The following CACNB4 variants were observed in gnomAD, a reference collection of about 807,000 sequenced individuals.
CACNB4 encodes the protein voltage-dependent L-type calcium channel subunit beta-4.
Under a neutral mutation model 71.2 loss-of-function variants are expected in CACNB4, and 32 were observed. That is an observed-to-expected ratio of 0.45 (90% CI 0.34 to 0.60). The LOEUF is 0.60. Ranked by LOEUF, CACNB4 falls within the 20% of genes least tolerant of loss-of-function variation. The pLI is 0.01. For synonymous variants in CACNB4, 231 were observed against 236.9 expected (o/e 0.97, Z 0.23); for missense variants, 464 against 647.9 (o/e 0.72, Z 3.08).
rs183095589 is a variant in CACNB4, at chr2:151,995,342, T to C, written c.147+102988A>G. Reference sequence around the variant, plus strand: ...GAAAACATCATGTGAATTTTTTGAGTGTAAGATTTATGGCTCACAGCCTTT... The same window carrying C: ...GAAAACATCATGTGAATTTTTTGAGCGTAAGATTTATGGCTCACAGCCTTT... On this transcript the variant is annotated intron_variant, in intron 2 of 13. Transcript: ENST00000539935. 1.6e-4 allele frequency among the ~76,000 whole-genome samples: 24 copies of C among 152,192 alleles called. No individual in the cohort carries two copies. In the South Asian group the frequency reaches 1.7e-3, roughly 11 times the overall value.
intron 8 of CACNB4, 177 bp from the exon 9 acceptor site, chr2:151,869,412 G>T: frequency 1.8e-6 from 1 of 547,684 alleles, no homozygotes. Flanking sequence ...ATGTGCAATT[G>T]CTAATTTCCA....
At chr2:152,026,902 A>G (rs1013987936) in intron 2 of CACNB4, among the ~76,000 whole-genome samples, 3 of 125,478 alleles carry the variant, frequency 2.4e-5, no homozygotes, top group African/African-American at 9.3e-5. Flanking sequence ...CATTTGACAC[A>G]ATTATCTTTC....
At chr2:151,858,806 T>TA (rs1459860884) in intron 10 of CACNB4, 1 of 152,224 alleles carries the variant, frequency 6.6e-6, no homozygotes, top group East Asian at 1.9e-4. Context: ...CATGTCAATG[T>TA]CTTTGTACAT....
intron 2 of CACNB4, among the ~76,000 whole-genome samples, chr2:152,072,035 G>A (rs1686723403): frequency 1.3e-5 from 2 of 152,250 alleles, no homozygotes. Context: ...GGGAATTGCA[G>A]TGATGAAATG....
chr2:152,014,052 G>C (rs1403383891), intron 2 of CACNB4, among the ~76,000 whole-genome samples: 3 of 152,186 alleles, frequency 2.0e-5, no homozygotes, highest in Admixed American at 6.5e-5. Flanking sequence ...GTCCAAAAGA[G>C]TCCTTCTTAG....
intron 2 of CACNB4, among the ~76,000 whole-genome samples, chr2:152,075,124 C>T (rs10803937): frequency 0.48 from 72,582 of 152,028 alleles, 17,878 homozygotes; most frequent in East Asian, 0.85. Context: ...CCAATATCTA[C>T]ATATATTATT....
chr2:152,001,325 A>C (rs1225319818), intron 2 of CACNB4, among the ~76,000 whole-genome samples: 4 of 151,984 alleles, frequency 2.6e-5, no homozygotes, highest in African/African-American at 9.7e-5. Context: ...AATTCACACT[A>C]AAGGCAGGGA....
chr2:151,967,955 T>C (rs1312790360), intron 2 of CACNB4: 5 of 152,192 alleles, frequency 3.3e-5, no homozygotes, highest in Non-Finnish European at 7.3e-5. Flanking sequence ...ATATAAAATG[T>C]AGAGCAAGAG....
chr2:152,021,023 C>T (rs945253700), intron 2 of CACNB4, among the ~76,000 whole-genome samples: 2 of 152,102 alleles, frequency 1.3e-5, no homozygotes, highest in African/African-American at 2.4e-5. Flanking sequence ...GAGGCTGAGG[C>T]GGGTGGATCA....
chr2:151,937,676 G>A (rs2099863255), intron 2 of CACNB4, among the ~76,000 whole-genome samples: 1 of 152,212 alleles, frequency 6.6e-6, no homozygotes, highest in African/African-American at 2.4e-5. Flanking sequence ...TCTGTAGACA[G>A]TGGATAAGTG....
chr2:151,982,759 G>A (rs2099874947), intron 2 of CACNB4, among the ~76,000 whole-genome samples: 1 of 152,070 alleles, frequency 6.6e-6, no homozygotes, highest in Non-Finnish European at 1.5e-5. Context: ...GGATAAAGAA[G>A]CTTCTGCATT....
chr2:152,028,967 C>T (rs1333751859), intron 2 of CACNB4, among the ~76,000 whole-genome samples: 1 of 152,222 alleles, frequency 6.6e-6, no homozygotes, highest in East Asian at 1.9e-4. Flanking sequence ...CTTGGGAAGA[C>T]ATTCCATCCA....
At chr2:151,852,247 T>A (rs2099839262) in intron 12 of CACNB4, 1 of 151,752 alleles carries the variant, frequency 6.6e-6, no homozygotes, top group African/African-American at 2.4e-5. Context: ...AGATTAGAGA[T>A]AATCTATGTA....
At chr2:151,999,450 C>T (rs1879139) in intron 2 of CACNB4, among the ~76,000 whole-genome samples, 27,843 of 151,184 alleles carry the variant, frequency 0.18, 2,719 homozygotes, top group Middle Eastern at 0.4. Context: ...GAAATAAATA[C>T]TTATGTCATT....
chr2:151,878,766 G>A (rs942475715), intron 4 of CACNB4, among the ~76,000 whole-genome samples: 33 of 150,312 alleles, frequency 2.2e-4, no homozygotes, highest in African/African-American at 7.3e-4. Flanking sequence ...AATTAGCTGG[G>A]TGTAGTAGTG....
chr2:151,952,999 A>T (rs1416516225), intron 2 of CACNB4, among the ~76,000 whole-genome samples: 1 of 152,218 alleles, frequency 6.6e-6, no homozygotes, highest in Non-Finnish European at 1.5e-5. Flanking sequence ...AGAAAAGAAG[A>T]CTGGGTATAT....
At chr2:151,941,352 G>A (rs7579719) in intron 2 of CACNB4, among the ~76,000 whole-genome samples, 15,161 of 147,050 alleles carry the variant, frequency 0.1, 2,527 homozygotes, top group African/African-American at 0.36. Flanking sequence ...TGTGATCTTG[G>A]CTTACTGCAA....
intron 2 of CACNB4, among the ~76,000 whole-genome samples, chr2:151,983,324 T>C (rs1205958671): frequency 6.6e-6 from 1 of 152,208 alleles, no homozygotes; most frequent in Non-Finnish European, 1.5e-5. Flanking sequence ...GATTTGGATT[T>C]TTGATATAAT....
At chr2:151,875,451 T>C (rs1219320310) in intron 5 of CACNB4, among the ~76,000 whole-genome samples, 6 of 151,302 alleles carry the variant, frequency 4.0e-5, no homozygotes, top group East Asian at 2.0e-4. Flanking sequence ...CCTTTCCCCC[T>C]TTTCTATTCC....
Sources: allele counts gnomAD v4.1 joint callset (sites outside exome capture counted in the v4.1 genomes callset), GRCh38; gene constraint gnomAD v4.1.1; transcripts MANE v1.5; gene names NCBI Gene and HGNC (gene_info 2026-07-23, HGNC 2026-07-21).